RGS5: variants seen among roughly 807,000 people sequenced by gnomAD.
The protein encoded by RGS5 is regulator of G protein signaling 5.
A neutral mutation model predicts 18.9 loss-of-function variants in RGS5; 20 were observed. That is an observed-to-expected ratio of 1.06 (90% CI 0.74 to 1.54). The LOEUF (loss-of-function observed/expected upper bound fraction) is 1.54, where lower values mean the gene tolerates loss of function less well. Ranked by LOEUF, RGS5 falls within the 40% of genes most tolerant of loss-of-function variation. The pLI, the probability that RGS5 is intolerant of heterozygous loss-of-function variation, is 0.00. For missense variants in RGS5, 201 were observed against 211.8 expected (o/e 0.95, Z 0.32); for synonymous variants, 57 against 76.2 (o/e 0.75, Z 1.31).
intron 2 of RGS5, among the ~76,000 whole-genome samples, chr1:163,254,368 T>C (rs1648208685): frequency 6.6e-6 from 1 of 152,142 alleles, no homozygotes; most frequent in Non-Finnish European, 1.5e-5. Flanking sequence ...TGGTATCTCA[T>C]TGTGGTTTTG....
At chr1:163,296,745 G>T (rs1220022994) in intron 2 of RGS5, among the ~76,000 whole-genome samples, 1 of 152,118 alleles carries the variant, frequency 6.6e-6, no homozygotes, top group Non-Finnish European at 1.5e-5. Context: ...GAAACTTCTT[G>T]GGAAAATTTT....
chr1:163,311,808 T>C (rs1405522077), intron 1 of RGS5, among the ~76,000 whole-genome samples: 1 of 152,158 alleles, frequency 6.6e-6, no homozygotes, highest in African/African-American at 2.4e-5. Context: ...ATTGAGAGAA[T>C]TACCAAAATG....
chr1:163,189,361 C>T (rs750769836), intron 1 of RGS5, among the ~76,000 whole-genome samples: 1 of 152,080 alleles, frequency 6.6e-6, no homozygotes, highest in East Asian at 1.9e-4. Flanking sequence ...CTCTTCCCAA[C>T]AAGGTAAAAA....
intron 1 of RGS5, among the ~76,000 whole-genome samples, chr1:163,196,366 A>C (rs1446782778): frequency 6.6e-6 from 1 of 152,182 alleles, no homozygotes; most frequent in Admixed American, 6.6e-5. Flanking sequence ...CTCCAGAGAC[A>C]TAAATAAACT....
Position 163,222,675 on chromosome 1 carries a change from C to T in RGS5, c.-280-54307G>A, listed in dbSNP as rs143416512. 2.8e-3 allele frequency among the ~76,000 whole-genome samples: 422 copies of T among 152,246 alleles called. 1 individual carries two copies. Among genetic ancestry groups the T allele is most frequent in the African/African-American group, 9.5e-3 (396 of 41,554 alleles). On this transcript the variant is annotated intron_variant, in intron 2 of 5. Transcript: ENST00000618415. ...GTGACAGAGCAACAGAGAAGATTCT[C>T]AAGGAGACCTGACCTCTCAGCACTC...
rs368386110 is a variant in RGS5, at chr1:163,215,118, C to T, written c.69+2408G>A. ...TACGTAAAATGGAATGATTCTGAAG[C>T]TTTCTTTTTGCCTCAACCTTAGATT... is the stretch of plus-strand genomic sequence containing the variant. On this transcript the variant is annotated intron_variant, in intron 1 of 5. Coordinates refer to the RGS5 transcript ENST00000367903. Among the ~76,000 whole-genome samples, 10 of 152,248 alleles carry T rather than the reference C, an allele frequency of 6.6e-5. No individual in the cohort carries two copies. In the South Asian group the frequency reaches 2.1e-3, roughly 32 times the overall value.
intron 2 of RGS5, among the ~76,000 whole-genome samples, chr1:163,286,772 A>C (rs935571068): frequency 6.6e-6 from 1 of 151,972 alleles, no homozygotes; most frequent in African/African-American, 2.4e-5. Context: ...TTTAGCTCAT[A>C]TTTGCAGTAC....
chr1:163,259,159 A>AT (rs139012006), intron 2 of RGS5, among the ~76,000 whole-genome samples: 35,198 of 149,448 alleles, frequency 0.24, 5,305 homozygotes, highest in East Asian at 0.64. Flanking sequence ...CAGTCTTAGT[A>AT]TTTTTTTTTT....
chr1:163,224,538 G>C (rs1647294158), intron 2 of RGS5, among the ~76,000 whole-genome samples: 1 of 152,156 alleles, frequency 6.6e-6, no homozygotes, highest in Admixed American at 6.6e-5. Context: ...TCTTCGACAT[G>C]CTGATTTCAT....
At chr1:163,166,620 G>A (rs2102399913) in intron 2 of RGS5, among the ~76,000 whole-genome samples, 1 of 152,284 alleles carries the variant, frequency 6.6e-6, no homozygotes, top group African/African-American at 2.4e-5. Flanking sequence ...GGTCACTGTT[G>A]AAAATGCAAT....
chr1:163,273,005 A>C (rs1648760857), intron 2 of RGS5, among the ~76,000 whole-genome samples: 1 of 151,990 alleles, frequency 6.6e-6, no homozygotes, highest in Non-Finnish European at 1.5e-5. Context: ...TTTTTTCATA[A>C]GTATGTCATT....
chr1:163,155,078 A>G lies in RGS5; in HGVS notation c.218-2362T>C, dbSNP rs147597850. ...GGCATGTTTTAGCTTCCAGGAAATG[A>G]AGTCTTATGAGCTCCCACACAATAA... On this transcript the variant is annotated intron_variant, in intron 3 of 4. Coordinates refer to ENST00000313961, the MANE Select transcript of RGS5 (RefSeq NM_003617.4). Among the ~76,000 whole-genome samples the G allele has an allele frequency of 1.2e-3, 177 of 152,206 alleles. 3 individuals are homozygous for G. In the East Asian group the frequency reaches 0.03, roughly 26 times the overall value.
At chr1:163,206,081 T>A (rs567804487), upstream of RGS5, among the ~76,000 whole-genome samples, 117 of 152,338 alleles carry the variant, frequency 7.7e-4, no homozygotes, top group African/African-American at 2.7e-3. Flanking sequence ...GCAAGCTCAA[T>A]TTATAATTCT....
chr1:163,302,631 G>C (rs1649581962), intron 2 of RGS5, among the ~76,000 whole-genome samples: 1 of 152,088 alleles, frequency 6.6e-6, no homozygotes, highest in Non-Finnish European at 1.5e-5. Flanking sequence ...GTATGGTCCT[G>C]CCTTCCCTTT....
chr1:163,217,684 G>T, upstream of RGS5: 1 of 1,438,050 alleles, frequency 7.0e-7, no homozygotes, highest in Non-Finnish European at 9.1e-7. Context: ...ACAATGCTGA[G>T]AGAAGAGCAG....
At chr1:163,208,172 C>T (rs912831420) in intron 1 of RGS5, among the ~76,000 whole-genome samples, 2 of 151,330 alleles carry the variant, frequency 1.3e-5, no homozygotes, top group Non-Finnish European at 2.9e-5. Flanking sequence ...CACGGTGAAA[C>T]CCCGTCTCTA....
At chr1:163,275,955 A>G (rs1367031037) in intron 2 of RGS5, among the ~76,000 whole-genome samples, 1 of 152,134 alleles carries the variant, frequency 6.6e-6, no homozygotes, top group East Asian at 1.9e-4. Flanking sequence ...CAGATGCTTA[A>G]ATAGCTCGTA....
chr1:163,225,071 G>A (rs2101680545), intron 2 of RGS5, among the ~76,000 whole-genome samples: 1 of 152,220 alleles, frequency 6.6e-6, no homozygotes, highest in East Asian at 1.9e-4. Context: ...TGTTGCCTAT[G>A]CTTTTGAGGT....
At chr1:163,290,293 T>A (rs1185021124) in intron 2 of RGS5, among the ~76,000 whole-genome samples, 1 of 152,178 alleles carries the variant, frequency 6.6e-6, no homozygotes, top group Non-Finnish European at 1.5e-5. Context: ...GCTCTTAAAG[T>A]CACTCCTTGT....
Sources: gnomAD v4.1 joint callset for allele counts (sites outside exome capture counted in the v4.1 genomes callset) on GRCh38, gnomAD v4.1.1 for gene constraint, MANE v1.5 for transcripts, NCBI Gene and HGNC (gene_info 2026-07-23, HGNC 2026-07-21) for gene names.